TPTE2: variants seen among roughly 807,000 people sequenced by gnomAD.
The protein encoded by TPTE2 is transmembrane phosphoinositide 3-phosphatase and tensin homolog 2.
Under a neutral mutation model 78.6 loss-of-function variants are expected in TPTE2, and 53 were observed. The observed-to-expected ratio is 0.67, with a 90% CI of 0.54 to 0.85. The LOEUF is 0.85. Among genes scored for constraint, TPTE2 ranks in the 40% least tolerant of loss-of-function variants. The probability of loss-of-function intolerance (pLI) is 0.00; values close to 1 mark genes in which losing one functional copy is unlikely to be tolerated. For synonymous variants in TPTE2, 175 were observed against 206.2 expected (o/e 0.85, Z 1.30); for missense variants, 461 against 623.0 (o/e 0.74, Z 2.77).
At chr13:19,446,827 C>A (rs1247505459) in intron 13 of TPTE2, among the ~76,000 whole-genome samples, 9 of 152,024 alleles carry the variant, frequency 5.9e-5, no homozygotes, top group Non-Finnish European at 1.0e-4. Flanking sequence ...TGTAGTCCCA[C>A]CTACTCAGAG....
In TPTE2 at chr13:19,521,353, G is replaced by GTT. The variant is rs59318645; in HGVS notation, c.-44+15241_-44+15242dup. Among the ~76,000 whole-genome samples, 668 of 150,984 alleles carry GTT rather than the reference G, an allele frequency of 4.4e-3. 2 individuals are homozygous for GTT. Among genetic ancestry groups the GTT allele is most frequent in the Non-Finnish European group, 6.5e-3 (442 of 67,678 alleles). On this transcript the variant is annotated intron_variant, in intron 1 of 17. Transcript: ENST00000390680. ...AATAAAAATTTTTGCCTTTAAGTCT[G>GTT]TTTTTTTTCTGCTTTTTTATCATGA...
the TPTE2 span, among the ~76,000 whole-genome samples, chr13:19,546,872 T>C: frequency 0.025 from 3,784 of 151,126 alleles, 174 homozygotes; most frequent in African/African-American, 0.087. Flanking sequence ...TTAAGGAATG[T>C]CCCCAGAGCA....
At chr13:19,424,495 TC>T (rs1455150677) in intron 19 of TPTE2, among the ~76,000 whole-genome samples, 3 of 152,232 alleles carry the variant, frequency 2.0e-5, no homozygotes, top group Non-Finnish European at 4.4e-5. Flanking sequence ...TTGTAACTTC[TC>T]CCAGATATAA....
rs1477049076 is a variant in TPTE2 at position 19,468,261 on chromosome 13, G to A, written c.393-917C>T. Among the ~76,000 whole-genome samples, 18 of 151,730 alleles carry A rather than the reference G, an allele frequency of 1.2e-4. No homozygotes were observed. In the East Asian group the frequency reaches 2.9e-3, roughly 25 times the overall value. On this transcript the variant is annotated intron_variant, in intron 6 of 19. Transcript: ENST00000400230. Reference sequence around the variant, plus strand: ...TCTCCATGTTGGTCAGGCTAGTCTCGAACTCCCGACTTCAGGTGATCTGCC... The same window carrying A: ...TCTCCATGTTGGTCAGGCTAGTCTCAAACTCCCGACTTCAGGTGATCTGCC...
intron 1 of TPTE2, among the ~76,000 whole-genome samples, chr13:19,497,556 G>GCC: frequency 2.8e-5 from 2 of 72,658 alleles, no homozygotes; most frequent in African/African-American, 6.4e-5. Flanking sequence ...ACCTCACATG[G>GCC]CAGGGTATTC....
chr13:19,483,593 G>A (rs1865107198), intron 3 of TPTE2, among the ~76,000 whole-genome samples: 2 of 151,724 alleles, frequency 1.3e-5, no homozygotes, highest in South Asian at 4.2e-4. Context: ...CCTGCTTTTT[G>A]TTGTTAACCT....
chr13:19,467,747 A>G (rs1156244232), intron 6 of TPTE2, among the ~76,000 whole-genome samples: 2 of 152,088 alleles, frequency 1.3e-5, no homozygotes, highest in East Asian at 3.9e-4. Flanking sequence ...ACTATGGTCA[A>G]TCTGTTGTGC....
chr13:19,486,032 A>C lies in TPTE2; in HGVS notation c.120-3485T>G, dbSNP rs1880643354. Reference sequence around the variant, plus strand: ...CTTATGTTTATGATTGGGTTCTATTACTGGATAATTATTATTTCCCTTTGT... The same window carrying C: ...CTTATGTTTATGATTGGGTTCTATTCCTGGATAATTATTATTTCCCTTTGT... On this transcript the variant is annotated intron_variant, in intron 3 of 19. Coordinates refer to ENST00000400230, the Ensembl canonical transcript of TPTE2. The surrounding 1 kb of genome is among the most constrained non-coding windows in gnomAD (Gnocchi z 4.3). 6.6e-6 allele frequency among the ~76,000 whole-genome samples: 1 copy of C among 152,012 alleles called. No individual in the cohort carries two copies. Among genetic ancestry groups the C allele is most frequent in the South Asian group, 2.1e-4 (1 of 4,822 alleles).
At chr13:19,543,979 C>T in the TPTE2 span, among the ~76,000 whole-genome samples, 4 of 133,552 alleles carry the variant, frequency 3.0e-5, no homozygotes, top group East Asian at 5.3e-4. Flanking sequence ...GGAGGATCAC[C>T]TGAACCTGGG....
At chr13:19,557,144 A>G in the TPTE2 span, among the ~76,000 whole-genome samples, 1 of 152,234 alleles carries the variant, frequency 6.6e-6, no homozygotes, top group Non-Finnish European at 1.5e-5. Context: ...AATAGCATAG[A>G]GGTACACTGT....
chr13:19,450,947 T>C (rs557891562), intron 11 of TPTE2, among the ~76,000 whole-genome samples: 20 of 152,298 alleles, frequency 1.3e-4, no homozygotes, highest in African/African-American at 3.6e-4. Context: ...TCCAGCCTCA[T>C]TGGTCCTGCC....
At chr13:19,542,495 C>T in the TPTE2 span, among the ~76,000 whole-genome samples, 1 of 152,072 alleles carries the variant, frequency 6.6e-6, no homozygotes, top group Admixed American at 6.6e-5. Flanking sequence ...TTAATTTCTG[C>T]CTTTACCTTA....
At chr13:19,425,727 T>C in intron 18 of TPTE2, 2 of 516,390 alleles carry the variant, frequency 3.9e-6, no homozygotes, top group Admixed American at 1.9e-5. Context: ...AGGCTTCCAC[T>C]CTCAGGTCCC....
intron 13 of TPTE2, among the ~76,000 whole-genome samples, chr13:19,439,319 C>A (rs1292308410): frequency 4.6e-5 from 7 of 152,036 alleles, no homozygotes; most frequent in African/African-American, 1.7e-4. Context: ...CAATATAAAA[C>A]CTGCTGGCAG....
the TPTE2 span, among the ~76,000 whole-genome samples, chr13:19,558,354 T>C: frequency 1.1e-4 from 17 of 152,348 alleles, no homozygotes; most frequent in South Asian, 3.5e-3. Context: ...CTATTCATTG[T>C]AGGCCTGACC....
At chr13:19,525,003 A>G (rs1274495760) in intron 1 of TPTE2, among the ~76,000 whole-genome samples, 2 of 152,186 alleles carry the variant, frequency 1.3e-5, no homozygotes, top group Non-Finnish European at 2.9e-5. Flanking sequence ...AGGGATTTTA[A>G]GAATGGAAGT....
chr13:19,479,725 T>A (rs111427556), intron 4 of TPTE2, among the ~76,000 whole-genome samples: 2,100 of 152,050 alleles, frequency 0.014, 53 homozygotes, highest in African/African-American at 0.047. Context: ...GCACTTTGGG[T>A]GGCCAAGGTG....
At chr13:19,462,843 C>A (rs753068546) in intron 10 of TPTE2, among the ~76,000 whole-genome samples, 11 of 151,130 alleles carry the variant, frequency 7.3e-5, no homozygotes, top group Admixed American at 7.2e-4. Context: ...CTGCACCTGA[C>A]GAATATTCCC....
chr13:19,517,852 G>A (rs1869900485), intron 1 of TPTE2, among the ~76,000 whole-genome samples: 1 of 152,120 alleles, frequency 6.6e-6, no homozygotes, highest in South Asian at 2.1e-4. Flanking sequence ...GAGGGAGAAG[G>A]GCATGGGGTG....
Sources: allele counts gnomAD v4.1 joint callset (sites outside exome capture counted in the v4.1 genomes callset), GRCh38; gene constraint gnomAD v4.1.1; non-coding constraint Gnocchi (gnomAD v3.1); transcripts MANE v1.5; gene names NCBI Gene and HGNC (gene_info 2026-07-23, HGNC 2026-07-21).